Variants in FAM83G observed in about 807,000 individuals in gnomAD.
The protein encoded by FAM83G is scaffolding CK1 anchoring protein G.
A neutral mutation model predicts 61.5 loss-of-function variants in FAM83G; 38 were observed. The observed-to-expected ratio is 0.62, with a 90% confidence interval of 0.48 to 0.81. The LOEUF (loss-of-function observed/expected upper bound fraction) is 0.81, where lower values mean the gene tolerates loss of function less well. Among genes scored for constraint, FAM83G ranks in the 30% least tolerant of loss-of-function variants. FAM83G has a pLI of 0.00. For synonymous variants in FAM83G, 470 were observed against 476.1 expected (o/e 0.99, Z 0.17); for missense variants, 989 against 1,133.6 (o/e 0.87, Z 1.83).
chr17:18,974,584 C>T (rs985341788), intron 5 of FAM83G, among the ~76,000 whole-genome samples: 3 of 152,198 alleles, frequency 2.0e-5, no homozygotes, highest in Non-Finnish European at 4.4e-5. Context: ...GTAGCAGCCA[C>T]CTCAGTCATA....
chr17:18,979,692 G>A lies in FAM83G; in HGVS notation c.691-19C>T. On this transcript the variant is annotated intron_variant, in intron 3 of 5. Transcript: ENST00000388995. ...TGAGATTCTGTTTTGGGAACCAAGA[G>A]ACAGAATTACACGACTGCAACCCTG... is the stretch of plus-strand genomic sequence containing the variant. The A allele has an allele frequency of 6.2e-7, 1 of 1,612,582 alleles. No homozygotes were observed. The highest frequency in any genetic ancestry group is 2.2e-5 in the East Asian group (1 of 44,856).
chr17:18,981,198 A>G (rs1255620032), intron 3 of FAM83G, among the ~76,000 whole-genome samples: 3 of 152,134 alleles, frequency 2.0e-5, no homozygotes, highest in Non-Finnish European at 4.4e-5. Flanking sequence ...TGAAGTGTGA[A>G]GGGCTGGCCG....
In FAM83G at chr17:18,971,269, C is replaced by T. The variant is rs369233218; in HGVS notation, c.*90G>A. The T allele has an allele frequency of 3.0e-5, 48 of 1,611,450 alleles. No homozygotes were observed. Among genetic ancestry groups the T allele is most frequent in the Non-Finnish European group, 3.8e-5 (45 of 1,178,364 alleles). On this transcript the variant is annotated 3_prime_UTR_variant, in exon 6 of 6. Transcript: ENST00000388995. The surrounding 1 kb of genome is among the most constrained non-coding windows in gnomAD (Gnocchi z 5.5). Reference sequence around the variant, plus strand: ...CCCACCTTCCTGCCGTCCCAGTGGGCTCTGGTAGGCCCAGGCGGCCTGTCT... The same window carrying T: ...CCCACCTTCCTGCCGTCCCAGTGGGTTCTGGTAGGCCCAGGCGGCCTGTCT...
In FAM83G at chr17:18,978,589, C is replaced by T; in HGVS notation, c.1077G>A (p.Glu359=). The stretch of plus-strand genomic sequence containing the variant: ...GCTTCTCAGAGGAGATCTTGGCAAT[C>T]TCGTCGACGCTCTTGGCCTTGACAA... ...YALVKAKSVD[E]IAKISSEKQE... is the part of the protein sequence containing the mutation. The change falls in exon 5 of 6, where the codon GAG becomes GAA. Residue 359 remains glutamate, a synonymous_variant. Coordinates refer to ENST00000388995, the MANE Select transcript of FAM83G (RefSeq NM_001039999.3). 1.2e-6 allele frequency: 2 copies of T among 1,613,262 alleles called. No individual in the cohort carries two copies. Among genetic ancestry groups the T allele is most frequent in the Non-Finnish European group, 1.7e-6 (2 of 1,180,014 alleles).
At position 19,004,181 on chromosome 17, in the gene FAM83G, A is replaced by C; in HGVS notation, c.-128-12T>G. On this transcript the variant is annotated splice_polypyrimidine_tract_variant and intron_variant, in intron 1 of 5. Transcript: ENST00000388995. The surrounding 1 kb of genome is among the most constrained non-coding windows in gnomAD (Gnocchi z 5.4). Reference sequence around the variant, plus strand: ...TGCCCATGAGCAATCTGCGGGAAAGACCTGATGAGCCCGGCTCGGCGGGGA... The same window carrying C: ...TGCCCATGAGCAATCTGCGGGAAAGCCCTGATGAGCCCGGCTCGGCGGGGA... 6.7e-6 allele frequency: 4 copies of C among 592,708 alleles called. No homozygotes were observed. The highest frequency in any genetic ancestry group is 7.4e-6 in the Non-Finnish European group (3 of 407,660). 36.7% of individuals were successfully genotyped at this position (592,708 alleles called of 1,614,324 possible). A position where few individuals can be genotyped will look rare whatever the true frequency, so the allele number is the denominator to read the frequency against.
chr17:19,005,944 C>A (rs1284080805), upstream of FAM83G, among the ~76,000 whole-genome samples: 2 of 152,210 alleles, frequency 1.3e-5, no homozygotes, highest in African/African-American at 4.8e-5. Context: ...CCTGAAGACC[C>A]ATTTATAGCC....
intron 2 of FAM83G, among the ~76,000 whole-genome samples, chr17:18,989,799 T>TA (rs1820976894): frequency 6.6e-6 from 1 of 152,176 alleles, no homozygotes; most frequent in Non-Finnish European, 1.5e-5. Flanking sequence ...TGCAGCCAGG[T>TA]AAACTGAGGC....
chr17:18,969,545 G>C lies in FAM83G; in HGVS notation c.*1814C>G. The C allele has an allele frequency of 1.1e-6, 1 of 913,016 alleles. No individual in the cohort carries two copies. The highest frequency in any genetic ancestry group is 1.7e-5 in the South Asian group (1 of 59,570). 56.6% of individuals were successfully genotyped at this position (913,016 alleles called of 1,614,324 possible). A position where few individuals can be genotyped will look rare whatever the true frequency, so the allele number is the denominator to read the frequency against. On this transcript the variant is annotated 3_prime_UTR_variant, in exon 6 of 6. Transcript: ENST00000388995. ...GTTCTGGGTAGCATCGCTGGGAGTG[G>C]GTGGGTTCAGGAGGTTGAGCCACTA...
At chr17:18,995,320 G>A (rs1454230419) in intron 2 of FAM83G, among the ~76,000 whole-genome samples, 1 of 152,086 alleles carries the variant, frequency 6.6e-6, no homozygotes, top group Non-Finnish European at 1.5e-5. Flanking sequence ...AATTCAAGAG[G>A]TGAAAATGCA....
Position 18,969,412 on chromosome 17 carries a change from G to A in FAM83G, c.*1947C>T, listed in dbSNP as rs748376318. On this transcript the variant is annotated 3_prime_UTR_variant, in exon 6 of 6. Coordinates refer to ENST00000388995, the MANE Select transcript of FAM83G (RefSeq NM_001039999.3). ...TCATGGTGGTGGGGGCTGTCATCCT[G>A]ACAATCAAAGGTGAGGACAGAGTCT... The A allele has an allele frequency of 2.4e-5, 39 of 1,613,606 alleles. No individual in the cohort carries two copies. Among genetic ancestry groups the A allele is most frequent in the Non-Finnish European group, 3.3e-5 (39 of 1,179,936 alleles).
upstream of FAM83G, among the ~76,000 whole-genome samples, chr17:19,005,687 T>A (rs555556041): frequency 9.5e-5 from 14 of 147,960 alleles, no homozygotes; most frequent in East Asian, 6.5e-4. Flanking sequence ...TCATGGCCCA[T>A]CAGGACTCCT....
At chr17:18,983,022 C>T (rs996643315) in intron 3 of FAM83G, among the ~76,000 whole-genome samples, 2 of 152,222 alleles carry the variant, frequency 1.3e-5, no homozygotes, top group South Asian at 2.1e-4. Context: ...CTGGAAGTGG[C>T]GCAGTGGGCT....
At position 19,004,043 on chromosome 17, in the gene FAM83G, G is replaced by C; in HGVS notation, c.-2C>G. ...ACACTGCACCTGAGAGAAGGCCATG[G>C]CGCCGCCTGCCCGGGCACTGCTGCC... On this transcript the variant is annotated 5_prime_UTR_variant, in exon 2 of 6. Transcript: ENST00000388995. The surrounding 1 kb of genome is among the most constrained non-coding windows in gnomAD (Gnocchi z 5.4). The C allele has an allele frequency of 1.3e-6, 2 of 1,580,148 alleles. No homozygotes were observed. Among genetic ancestry groups the C allele is most frequent in the Non-Finnish European group, 1.7e-6 (2 of 1,160,782 alleles).
chr17:18,978,276 G>T lies in FAM83G; in HGVS notation c.1390C>A (p.Gln464Lys). The part of the protein sequence containing the change: ...QASAQHQLWK[Q>K]SQDSRPRPEP... ...GGACGGGGCCTGCTGTCCTGGCTCT[G>T]CTTCCACAGCTGGTGCTGGGCGCTG... The change falls in exon 5 of 6, where the codon CAG becomes AAG. Residue 464 changes from glutamine (Q) to lysine (K), a missense_variant. Around this residue, in one of 3 missense-constraint regions of FAM83G, gnomAD observed 574 missense variants for 645.1 expected, o/e 0.89. Transcript: ENST00000388995. The T allele has an allele frequency of 6.2e-7, 1 of 1,610,130 alleles. No individual in the cohort carries two copies. Among genetic ancestry groups the T allele is most frequent in the Non-Finnish European group, 8.5e-7 (1 of 1,177,950 alleles).
intron 2 of FAM83G, among the ~76,000 whole-genome samples, chr17:19,002,323 A>G (rs1005164218): frequency 6.6e-6 from 1 of 152,188 alleles, no homozygotes; most frequent in Non-Finnish European, 1.5e-5. Flanking sequence ...AGCTGACCCA[A>G]CTGGTCCCCT....
At chr17:18,985,586 G>A (rs2043249504) in intron 3 of FAM83G, among the ~76,000 whole-genome samples, 1 of 152,208 alleles carries the variant, frequency 6.6e-6, no homozygotes, top group African/African-American at 2.4e-5. Flanking sequence ...GAGGTAGGCA[G>A]GGAAGGCAGG....
chr17:18,970,962 T>C lies in FAM83G; in HGVS notation c.*397A>G. 1 of 1,558,784 alleles carries C rather than the reference T, an allele frequency of 6.4e-7. No individual in the cohort carries two copies. Among genetic ancestry groups the C allele is most frequent in the Non-Finnish European group, 8.8e-7 (1 of 1,132,512 alleles). ...TGAAGGCAGGGGGGAGCCCAGGGAG[T>C]CAGGGCCCCGCAACCACCAAACTGT... On this transcript the variant is annotated 3_prime_UTR_variant, in exon 6 of 6. Coordinates refer to ENST00000388995, the MANE Select transcript of FAM83G (RefSeq NM_001039999.3).
At chr17:18,989,821 G>T (rs1330297653) in intron 2 of FAM83G, among the ~76,000 whole-genome samples, 1 of 152,218 alleles carries the variant, frequency 6.6e-6, no homozygotes, top group Non-Finnish European at 1.5e-5. Context: ...CAATGAGGTT[G>T]TAAGGCTTGT....
rs1567785289 is a variant in FAM83G at position 18,971,372 on chromosome 17, C to CGAT, written c.2458_2459insATC (p.Asp819_Arg820insHis). 6.2e-7 allele frequency: 1 copy of CGAT among 1,611,056 alleles called. No homozygotes were observed. The highest frequency in any genetic ancestry group is 8.5e-7 in the Non-Finnish European group (1 of 1,178,492). ...TGGGACATGCTGCTAGGGGTCTTTG[C>CGAT]GGTCCCGGGGGGCTTGAGCCCTCCG... is the stretch of plus-strand genomic sequence containing the variant. On this transcript the variant is annotated inframe_insertion, in exon 6 of 6. Transcript: ENST00000388995. The surrounding 1 kb of genome is among the most constrained non-coding windows in gnomAD (Gnocchi z 5.5).
Sources: gnomAD v4.1 joint callset for allele counts (sites outside exome capture counted in the v4.1 genomes callset) on GRCh38, gnomAD v4.1.1 for gene constraint, gnomAD v4.1.1 regional missense constraint, Gnocchi (gnomAD v3.1) non-coding constraint, MANE v1.5 for transcripts, NCBI Gene and HGNC (gene_info 2026-07-23, HGNC 2026-07-21) for gene names.